The following WWOX variants were observed in gnomAD, a reference collection of about 807,000 sequenced individuals.
WWOX encodes the protein WW domain containing oxidoreductase.
WWOX carries 69 observed loss-of-function variants against 46.2 expected under a neutral mutation model. The ratio of observed to expected loss-of-function variants is 1.49; its 90% CI spans 1.23 to 1.82. The LOEUF is 1.82. WWOX is among the 40% of genes most tolerant of loss of function. The pLI, the probability that WWOX is intolerant of heterozygous loss-of-function variation, is 0.00. For missense variants in WWOX, 919 were observed against 542.6 expected (o/e 1.69, Z -6.89); for synonymous variants, 359 against 202.6 (o/e 1.77, Z -6.56).
chr16:78,100,203 G>A (rs540360566), intron 1 of WWOX: 14 of 1,191,712 alleles, frequency 1.2e-5, no homozygotes, highest in South Asian at 8.1e-5. Context: ...AAGCGCACAT[G>A]CTCAGCTCCC....
intron 8 of WWOX, among the ~76,000 whole-genome samples, chr16:78,865,449 C>T (rs1017597376): frequency 6.6e-6 from 1 of 152,182 alleles, no homozygotes; most frequent in African/African-American, 2.4e-5. Context: ...TCCTTCTCTT[C>T]CTTGCTGAGG....
At chr16:78,431,447 A>G (rs946405789) in intron 7 of WWOX, among the ~76,000 whole-genome samples, 1 of 152,176 alleles carries the variant, frequency 6.6e-6, no homozygotes, top group Non-Finnish European at 1.5e-5. Flanking sequence ...AATATACAGG[A>G]CTCAAGCATT....
intron 8 of WWOX, among the ~76,000 whole-genome samples, chr16:78,680,442 G>A (rs1405052353): frequency 1.3e-5 from 2 of 152,126 alleles, no homozygotes; most frequent in Non-Finnish European, 2.9e-5. Context: ...GCTGAGGTGG[G>A]AGGATCGCTT....
rs967145504 is a variant in WWOX at position 79,107,648 on chromosome 16, G to A, written c.1057-103960G>A. Among the ~76,000 whole-genome samples, 12 of 152,140 alleles carry A rather than the reference G, an allele frequency of 7.9e-5. No individual in the cohort carries two copies. In the East Asian group the frequency reaches 1.2e-3, roughly 15 times the overall value. The stretch of plus-strand genomic sequence containing the variant: ...CACTGAAACCCCACCCTCACCCTTC[G>A]TAATAGGCGACATGCACATTTTCAT... On this transcript the variant is annotated intron_variant, in intron 8 of 8. Coordinates refer to ENST00000566780, the MANE Select transcript of WWOX (RefSeq NM_016373.4).
At chr16:78,202,071 T>G (rs2036248992) in intron 5 of WWOX, among the ~76,000 whole-genome samples, 1 of 152,070 alleles carries the variant, frequency 6.6e-6, no homozygotes, top group Admixed American at 6.6e-5. Flanking sequence ...TTCCCAAACT[T>G]TTACTAGCTT....
In WWOX at chr16:78,255,896, A is replaced by T. The variant is rs536540275; in HGVS notation, c.516+91607A>T. ...CAGTGGCTCGCGCCTGTAATCTCATAATCTCAGCACTTTGAGAGGCTGAGG... is the reference window on the plus strand; with the variant it reads ...CAGTGGCTCGCGCCTGTAATCTCATTATCTCAGCACTTTGAGAGGCTGAGG... On this transcript the variant is annotated intron_variant, in intron 5 of 8. Transcript: ENST00000566780. 2.0e-5 allele frequency among the ~76,000 whole-genome samples: 3 copies of T among 152,248 alleles called. No individual in the cohort carries two copies. The South Asian group carries it at 6.2e-4, about 32-fold the overall frequency.
intron 8 of WWOX, among the ~76,000 whole-genome samples, chr16:78,543,105 G>A (rs113673792): frequency 1.3e-5 from 2 of 152,240 alleles, no homozygotes; most frequent in East Asian, 1.9e-4. Context: ...GACATGTCCA[G>A]TGTGGGCTGG....
intron 8 of WWOX, among the ~76,000 whole-genome samples, chr16:78,992,373 A>G (rs1351341875): frequency 6.6e-6 from 1 of 152,114 alleles, no homozygotes; most frequent in East Asian, 1.9e-4. Context: ...AGGCTGAGGC[A>G]GGAGAATTGC....
intron 5 of WWOX, among the ~76,000 whole-genome samples, chr16:78,288,896 A>G (rs1406329813): frequency 6.6e-6 from 1 of 152,172 alleles, no homozygotes; most frequent in Admixed American, 6.6e-5. Flanking sequence ...AGAAGAAAAA[A>G]TCATCCTGGG....
At chr16:78,630,916 A>T (rs564467312) in intron 8 of WWOX, among the ~76,000 whole-genome samples, 1 of 152,308 alleles carries the variant, frequency 6.6e-6, no homozygotes, top group South Asian at 2.1e-4. Context: ...GATTTAACTA[A>T]TGACAGATTA....
intron 8 of WWOX, among the ~76,000 whole-genome samples, chr16:78,687,876 A>T (rs1308606953): frequency 6.6e-6 from 1 of 152,180 alleles, no homozygotes; most frequent in Non-Finnish European, 1.5e-5. Context: ...ATTAAAAATT[A>T]GCTAGAAACG....
At position 78,721,330 on chromosome 16, in the gene WWOX, T is replaced by A. The variant is rs150785565; in HGVS notation, c.1056+288578T>A. Among the ~76,000 whole-genome samples, 174 of 152,330 alleles carry A rather than the reference T, an allele frequency of 1.1e-3. 3 individuals carry two copies. In the East Asian group the frequency reaches 0.03, roughly 26 times the overall value. ...TTTTCTTCTTCAGGCTTTAAAGATA[T>A]CATAATACCATTTACATTTACTGTT... On this transcript the variant is annotated intron_variant, in intron 8 of 8. Coordinates refer to ENST00000566780, the MANE Select transcript of WWOX (RefSeq NM_016373.4).
Position 79,002,243 on chromosome 16 carries a change from G to A in WWOX, c.1057-209365G>A, listed in dbSNP as rs528175156. Among the ~76,000 whole-genome samples the A allele has an allele frequency of 1.1e-4, 7 of 61,150 alleles. 1 individual carries two copies. In the East Asian group the frequency reaches 3.6e-3, roughly 31 times the overall value. The allele number at this position is 61,150 out of a possible 152,430, so 40.1% of individuals were successfully genotyped here. On this transcript the variant is annotated intron_variant, in intron 8 of 8. Coordinates refer to ENST00000566780, the MANE Select transcript of WWOX (RefSeq NM_016373.4). Reference sequence around the variant, plus strand: ...TTTTTTTTTTTTTTTTTTTTTTTGAGATGGAGTTTCACTCTTCTTGCCCAG... The same window carrying A: ...TTTTTTTTTTTTTTTTTTTTTTTGAAATGGAGTTTCACTCTTCTTGCCCAG...
chr16:78,426,801 C>T (rs1027930259), intron 7 of WWOX, among the ~76,000 whole-genome samples: 6 of 152,074 alleles, frequency 3.9e-5, no homozygotes, highest in African/African-American at 1.4e-4. Context: ...GTAGCTGGGA[C>T]CACAGGCGCT....
At chr16:78,695,945 A>T (rs1222589053) in intron 8 of WWOX, among the ~76,000 whole-genome samples, 1 of 152,110 alleles carries the variant, frequency 6.6e-6, no homozygotes, top group African/African-American at 2.4e-5. Context: ...TCACCTGGAA[A>T]CTTGTTAGAG....
chr16:78,389,623 TAAGGAA>T (rs1439462918), intron 6 of WWOX, among the ~76,000 whole-genome samples: 2 of 152,126 alleles, frequency 1.3e-5, no homozygotes, highest in Non-Finnish European at 2.9e-5. Flanking sequence ...ACTATACAGA[TAAGGAA>T]AGTGAGGCTA....
At chr16:78,804,243 T>C (rs115784481) in intron 8 of WWOX, among the ~76,000 whole-genome samples, 34 of 152,234 alleles carry the variant, frequency 2.2e-4, no homozygotes, top group African/African-American at 7.2e-4. Context: ...GCGCCCTCAC[T>C]AATAAATTCT....
At chr16:79,050,925 T>G (rs2048154623) in intron 8 of WWOX, among the ~76,000 whole-genome samples, 1 of 152,188 alleles carries the variant, frequency 6.6e-6, no homozygotes, top group African/African-American at 2.4e-5. Flanking sequence ...GCAAAGTGGT[T>G]GAGGAGAAAC....
intron 5 of WWOX, among the ~76,000 whole-genome samples, chr16:78,331,121 C>T (rs1048018049): frequency 3.3e-5 from 5 of 152,072 alleles, no homozygotes; most frequent in Admixed American, 1.3e-4. Flanking sequence ...TTAACACCTA[C>T]GGTCCCTGAA....
Sources: gnomAD v4.1 joint callset for allele counts (sites outside exome capture counted in the v4.1 genomes callset) on GRCh38, gnomAD v4.1.1 for gene constraint, MANE v1.5 for transcripts, NCBI Gene and HGNC (gene_info 2026-07-23, HGNC 2026-07-21) for gene names.